The following CMTM6 variants were observed in gnomAD, a reference collection of about 807,000 sequenced individuals.
The protein encoded by CMTM6 is CKLF like MARVEL transmembrane domain containing 6.
CMTM6 carries 5 observed loss-of-function variants against 13.6 expected under a neutral mutation model. The ratio of observed to expected loss-of-function variants is 0.37; its 90% CI spans 0.19 to 0.77. The LOEUF is 0.77. CMTM6 is among the 30% of genes least tolerant of loss of function. The pLI is 0.50. For missense variants in CMTM6, 196 were observed against 218.6 expected, an observed-to-expected ratio of 0.90 and a Z score of 0.65; for synonymous variants, 99 against 84.5, an observed-to-expected ratio of 1.17 and a Z score of -0.94.
chr3:32,490,236 A>C (rs1697239937), intron 2 of CMTM6, among the ~76,000 whole-genome samples: 1 of 149,938 alleles, frequency 6.7e-6, no homozygotes, highest in East Asian at 2.0e-4. Flanking sequence ...ACACAGCAAG[A>C]CTTCTCAAAA....
intron 3 of CMTM6, 163 bp downstream of exon 3, chr3:32,487,775 C>T: frequency 2.0e-6 from 1 of 501,708 alleles, no homozygotes; most frequent in South Asian, 4.0e-5. Flanking sequence ...GTTTTAAAGG[C>T]TATCATATTG....
At chr3:32,498,615 T>TTC (rs1697316341) in intron 1 of CMTM6, among the ~76,000 whole-genome samples, 1 of 150,920 alleles carries the variant, frequency 6.6e-6, no homozygotes, top group East Asian at 1.9e-4. Flanking sequence ...TTTTTTTTTT[T>TTC]CTGAGATGGA....
At chr3:32,497,407 A>G (rs111528156) in intron 1 of CMTM6, among the ~76,000 whole-genome samples, 31 of 145,770 alleles carry the variant, frequency 2.1e-4, no homozygotes, top group African/African-American at 6.7e-4. Context: ...AAAAGAAAGA[A>G]AAAACTCCTT....
chr3:32,502,838 T>C lies in CMTM6; in HGVS notation c.-93A>G, dbSNP rs1697360633. On this transcript the variant is annotated 5_prime_UTR_variant, in exon 1 of 4. Coordinates refer to ENST00000205636, the MANE Select transcript of CMTM6 (RefSeq NM_017801.3). ...CCGGTAGCCGGGAGGCGGCCGTCACTTCCTGGGCCTTCTCCCCGGCTTCCG... is the reference window on the plus strand; with the variant it reads ...CCGGTAGCCGGGAGGCGGCCGTCACCTCCTGGGCCTTCTCCCCGGCTTCCG... The C allele has an allele frequency of 1.5e-6, 2 of 1,325,058 alleles. No individual in the cohort carries two copies. The highest frequency in any genetic ancestry group is 1.7e-5 in the South Asian group (1 of 57,442). 82.1% of individuals were successfully genotyped at this position (1,325,058 alleles called of 1,614,324 possible).
chr3:32,483,898 C>A lies in CMTM6; in HGVS notation c.*62G>T. On this transcript the variant is annotated 3_prime_UTR_variant, in exon 4 of 4. Transcript: ENST00000205636. ...TTAACAAATTTTACAAGAGCTTCTG[C>A]CAGGGCTCAGGCACCACAATGCAGG... 7.2e-7 allele frequency: 1 copy of A among 1,387,934 alleles called. No homozygotes were observed. The highest frequency in any genetic ancestry group is 1.9e-5 in the South Asian group (1 of 52,302). The allele number at this position is 1,387,934 out of a possible 1,614,324, so 86.0% of individuals were successfully genotyped here.
intron 2 of CMTM6, among the ~76,000 whole-genome samples, chr3:32,491,185 T>C (rs1003266165): frequency 3.3e-5 from 5 of 152,244 alleles, no homozygotes; most frequent in African/African-American, 4.8e-5. Flanking sequence ...AATTCACTTA[T>C]AGACAACTTT....
At position 32,482,736 on chromosome 3, in the gene CMTM6, T is replaced by G. The variant is rs1314602622; in HGVS notation, c.*1224A>C. 2.0e-5 allele frequency: 3 copies of G among 149,544 alleles called. No individual in the cohort carries two copies. The highest frequency in any genetic ancestry group is 1.3e-4 in the Admixed American group (2 of 15,044). The allele number at this position is 149,544 out of a possible 1,614,324, so 9.3% of individuals were successfully genotyped here. The stretch of plus-strand genomic sequence containing the variant: ...ATTTACTTTTTTTTTTTTTTTTTTT[T>G]GCCAAAGACAAACTAGAGCAATGCC... On this transcript the variant is annotated 3_prime_UTR_variant, in exon 4 of 4. Transcript: ENST00000205636.
chr3:32,499,172 CAGATATA>C (rs1697324390), intron 1 of CMTM6, among the ~76,000 whole-genome samples: 1 of 152,130 alleles, frequency 6.6e-6, no homozygotes, highest in Admixed American at 6.5e-5. Context: ...TACAAAGGTT[CAGATATA>C]ATTTGCTGAC....
intron 1 of CMTM6, among the ~76,000 whole-genome samples, chr3:32,500,170 G>A (rs912482378): frequency 6.6e-6 from 1 of 152,134 alleles, no homozygotes; most frequent in East Asian, 1.9e-4. Flanking sequence ...TTCTGATTAC[G>A]GGTTTCTCCA....
chr3:32,484,339 T>G (rs1438438090), intron 3 of CMTM6, among the ~76,000 whole-genome samples: 2 of 152,192 alleles, frequency 1.3e-5, no homozygotes, highest in Non-Finnish European at 2.9e-5. Flanking sequence ...ATGTTCTGCC[T>G]TATGTGTGCA....
intron 1 of CMTM6, among the ~76,000 whole-genome samples, chr3:32,497,049 T>C (rs994569968): frequency 1.3e-5 from 2 of 152,084 alleles, no homozygotes; most frequent in African/African-American, 2.4e-5. Context: ...AAAGAGCAAC[T>C]AACTTCTTAT....
intron 2 of CMTM6, among the ~76,000 whole-genome samples, chr3:32,491,230 TA>T (rs1350707711): frequency 6.6e-6 from 1 of 152,240 alleles, no homozygotes; most frequent in Non-Finnish European, 1.5e-5. Context: ...TAGGAAGAAT[TA>T]CATGTTGTTT....
chr3:32,502,464 C>A, intron 1 of CMTM6, 144 bp downstream of exon 1: 2 of 1,066,648 alleles, frequency 1.9e-6, no homozygotes, highest in Non-Finnish European at 2.6e-6. Context: ...CCCCCTTCCC[C>A]AGGCTGAGAG....
chr3:32,485,566 C>A (rs1697196317), intron 3 of CMTM6, among the ~76,000 whole-genome samples: 1 of 151,758 alleles, frequency 6.6e-6, no homozygotes, highest in African/African-American at 2.4e-5. Flanking sequence ...TTATTGATCA[C>A]CATCTCATAC....
chr3:32,490,337 A>C (rs1226346324), intron 2 of CMTM6, among the ~76,000 whole-genome samples: 4 of 152,214 alleles, frequency 2.6e-5, no homozygotes, highest in Non-Finnish European at 4.4e-5. Flanking sequence ...TTGCATGAAA[A>C]AATATTTAAA....
At chr3:32,496,113 A>C (rs1445242266) in intron 1 of CMTM6, among the ~76,000 whole-genome samples, 6 of 151,270 alleles carry the variant, frequency 4.0e-5, no homozygotes, top group African/African-American at 1.2e-4. Flanking sequence ...AAGCATGAGA[A>C]TTGCTTGAAC....
chr3:32,500,129 G>A (rs1308266109), intron 1 of CMTM6, among the ~76,000 whole-genome samples: 1 of 152,184 alleles, frequency 6.6e-6, no homozygotes, highest in Non-Finnish European at 1.5e-5. Flanking sequence ...ATTTCACAGG[G>A]TTTGCAGGTC....
chr3:32,499,328 T>A (rs1395536474), intron 1 of CMTM6, among the ~76,000 whole-genome samples: 1 of 152,176 alleles, frequency 6.6e-6, no homozygotes, highest in African/African-American at 2.4e-5. Flanking sequence ...AGGGTAACAT[T>A]ATTTATAATG....
intron 1 of CMTM6, among the ~76,000 whole-genome samples, chr3:32,492,292 G>A (rs164210): frequency 0.58 from 88,138 of 151,454 alleles, 26,214 homozygotes; most frequent in African/African-American, 0.71. Flanking sequence ...CAGAAATGAG[G>A]GAGCATGGCA....
Sources: gnomAD v4.1 joint callset for allele counts (sites outside exome capture counted in the v4.1 genomes callset) on GRCh38, gnomAD v4.1.1 for gene constraint, MANE v1.5 for transcripts, NCBI Gene and HGNC (gene_info 2026-07-23, HGNC 2026-07-21) for gene names.